Variants in AZI2 observed in about 807,000 individuals in gnomAD.
The protein encoded by AZI2 is 5-azacytidine induced 2.
A neutral mutation model predicts 45.8 loss-of-function variants in AZI2; 22 were observed. The observed-to-expected ratio is 0.48, with a 90% CI of 0.34 to 0.69. AZI2 has a LOEUF of 0.69. Among genes scored for constraint, AZI2 ranks in the 30% least tolerant of loss-of-function variants. The pLI, the probability that AZI2 is intolerant of heterozygous loss-of-function variation, is 0.01. For synonymous variants in AZI2, 137 were observed against 156.7 expected (o/e 0.87, Z 0.94); for missense variants, 417 against 441.5 (o/e 0.94, Z 0.50).
chr3:28,333,430 C>T (rs957804795), intron 5 of AZI2, among the ~76,000 whole-genome samples: 1 of 151,566 alleles, frequency 6.6e-6, no homozygotes, highest in African/African-American at 2.4e-5. Context: ...TGTCCTTGGA[C>T]CTTGTTTTTT....
Position 28,348,763 on chromosome 3 carries a change from A to C in AZI2, c.-168T>G, listed in dbSNP as rs1223556179. Reference sequence around the variant, plus strand: ...CACAGCGAAGGGAGCTGCTCCGGGCACGTCGCGGAGGGAGTCCCATTTCTT... The same window carrying C: ...CACAGCGAAGGGAGCTGCTCCGGGCCCGTCGCGGAGGGAGTCCCATTTCTT... On this transcript the variant is annotated 5_prime_UTR_variant, in exon 1 of 8. Coordinates refer to ENST00000479665, the MANE Select transcript of AZI2 (RefSeq NM_022461.5). 1 of 172,076 alleles carries C rather than the reference A, an allele frequency of 5.8e-6. No homozygotes were observed. Among genetic ancestry groups the C allele is most frequent in the Non-Finnish European group, 1.2e-5 (1 of 85,882 alleles). 10.7% of individuals were successfully genotyped at this position (172,076 alleles called of 1,614,324 possible).
chr3:28,347,374 T>A lies in AZI2; in HGVS notation c.-6+1227A>T, dbSNP rs540390069. Among the ~76,000 whole-genome samples the A allele has an allele frequency of 3.2e-4, 49 of 152,312 alleles. 1 individual carries two copies. The South Asian group carries it at 4.4e-3, about 14-fold the overall frequency. On this transcript the variant is annotated intron_variant, in intron 1 of 7. Coordinates refer to ENST00000479665, the MANE Select transcript of AZI2 (RefSeq NM_022461.5). Reference sequence around the variant, plus strand: ...TTCATAAGCATTCAGTAAATCTATGTAATACCTCTGAGGTTGTAAAGAATC... The same window carrying A: ...TTCATAAGCATTCAGTAAATCTATGAAATACCTCTGAGGTTGTAAAGAATC...
At chr3:28,341,824 C>T (rs1175428204) in intron 1 of AZI2, among the ~76,000 whole-genome samples, 1 of 152,040 alleles carries the variant, frequency 6.6e-6, no homozygotes, top group Non-Finnish European at 1.5e-5. Context: ...TTTTAACTAT[C>T]CCTTGCTTGA....
chr3:28,336,407 C>G (rs1178807590), intron 5 of AZI2, among the ~76,000 whole-genome samples: 1 of 151,892 alleles, frequency 6.6e-6, no homozygotes, highest in East Asian at 1.9e-4. Context: ...GGACTTAAAA[C>G]CTGAGTTCTC....
At chr3:28,327,693 AG>A (rs1400067911) in intron 6 of AZI2, among the ~76,000 whole-genome samples, 1 of 151,100 alleles carries the variant, frequency 6.6e-6, no homozygotes, top group Non-Finnish European at 1.5e-5. Context: ...TAATTTTTAT[AG>A]ATTTTGTTTT....
At position 28,324,525 on chromosome 3, in the gene AZI2, C is replaced by G. The variant is rs901313419; in HGVS notation, c.767-71G>C. On this transcript the variant is annotated intron_variant, in intron 7 of 7. Transcript: ENST00000479665. ...GATCATAAAATTCGATAACACTTCA[C>G]CAATTTGAATTCTAGAACTGGTGAT... The G allele has an allele frequency of 2.3e-6, 3 of 1,310,838 alleles. No homozygotes were observed. In the Admixed American group the frequency reaches 7.9e-5, roughly 35 times the overall value. 81.2% of individuals were successfully genotyped at this position (1,310,838 alleles called of 1,614,324 possible).
At chr3:28,329,579 A>G (rs1014933942) in intron 6 of AZI2, among the ~76,000 whole-genome samples, 7 of 151,292 alleles carry the variant, frequency 4.6e-5, no homozygotes, top group African/African-American at 1.7e-4. Context: ...GAACTCTTTA[A>G]TACACAAATA....
chr3:28,344,660 A>G (rs1354764175), intron 1 of AZI2, among the ~76,000 whole-genome samples: 1 of 152,080 alleles, frequency 6.6e-6, no homozygotes, highest in Non-Finnish European at 1.5e-5. Flanking sequence ...GTAACTGGCT[A>G]TTATTCTATT....
At position 28,332,441 on chromosome 3, in the gene AZI2, A is replaced by T. The variant is rs767871424; in HGVS notation, c.589-14T>A. The T allele has an allele frequency of 6.9e-6, 11 of 1,594,862 alleles. No individual in the cohort carries two copies. The highest frequency in any genetic ancestry group is 2.7e-5 in the African/African-American group (2 of 74,148). On this transcript the variant is annotated splice_polypyrimidine_tract_variant and intron_variant, in intron 5 of 7. Transcript: ENST00000479665. Reference sequence around the variant, plus strand: ...CTGATATGGATCCTGTCATTTGTTTAAAAAAAAGAAGTTTAAAAGTTGTAA... The same window carrying T: ...CTGATATGGATCCTGTCATTTGTTTTAAAAAAAGAAGTTTAAAAGTTGTAA...
At chr3:28,340,716 A>G (rs941026365) in intron 1 of AZI2, 94 bp from the exon 2 acceptor site, 42 of 978,598 alleles carry the variant, frequency 4.3e-5, no homozygotes, top group Non-Finnish European at 3.1e-5. Context: ...AAATACTAGG[A>G]CAATGTTTAA....
intron 1 of AZI2, 43 bp from the exon 2 acceptor site, chr3:28,340,665 AAT>A: frequency 4.1e-6 from 6 of 1,449,630 alleles, no homozygotes; most frequent in Non-Finnish European, 5.7e-6. Context: ...TGTCTCACTG[AAT>A]AAGTGAAAAG....
chr3:28,324,262 G>A lies in AZI2; in HGVS notation c.959C>T (p.Thr320Ile), dbSNP rs1351672402. ...LSEKAILQSW[T>I]DNERSIPNDG... The stretch of plus-strand genomic sequence containing the variant: ...ATTAGGAATGGATCTCTCATTGTCT[G>A]TCCATGATTGGAGGATTGCTTTCTC... The change falls in exon 8 of 8, where the codon ACA becomes ATA. Residue 320 changes from threonine to isoleucine, a missense_variant. By Grantham distance (89) the Thr-to-Ile change is moderately conservative. Transcript: ENST00000479665. The A allele has an allele frequency of 1.2e-6, 2 of 1,609,330 alleles. No homozygotes were observed. Among genetic ancestry groups the A allele is most frequent in the African/African-American group, 2.7e-5 (2 of 74,558 alleles).
At chr3:28,346,827 T>A (rs1188063643) in intron 1 of AZI2, among the ~76,000 whole-genome samples, 1 of 152,204 alleles carries the variant, frequency 6.6e-6, no homozygotes, top group Non-Finnish European at 1.5e-5. Context: ...TTTCAAAACA[T>A]CATCTCTTAA....
In AZI2 at chr3:28,323,807, A is replaced by G. The variant is rs1703272169; in HGVS notation, c.*235T>C. On this transcript the variant is annotated 3_prime_UTR_variant, in exon 8 of 8. Transcript: ENST00000479665. Reference sequence around the variant, plus strand: ...TTAAACACCTTAAGTTTACTTATTAATTAGTATAGTAGCATATTTCAGATT... The same window carrying G: ...TTAAACACCTTAAGTTTACTTATTAGTTAGTATAGTAGCATATTTCAGATT... The G allele has an allele frequency of 2.9e-6, 1 of 345,592 alleles. No homozygotes were observed. Among genetic ancestry groups the G allele is most frequent in the Non-Finnish European group, 5.2e-6 (1 of 192,270 alleles). The allele number at this position is 345,592 out of a possible 1,614,324, so 21.4% of individuals were successfully genotyped here. A position where few individuals can be genotyped will look rare whatever the true frequency, so the allele number is the denominator to read the frequency against.
chr3:28,332,494 T>C, intron 5 of AZI2, 67 bp from the exon 6 acceptor site: 1 of 1,323,320 alleles, frequency 7.6e-7, no homozygotes, highest in African/African-American at 1.5e-5. Context: ...GTCTCAGCTC[T>C]TTCTTACCAG....
intron 6 of AZI2, among the ~76,000 whole-genome samples, chr3:28,329,583 A>T (rs1703502517): frequency 6.6e-6 from 1 of 151,246 alleles, no homozygotes; most frequent in South Asian, 2.1e-4. Context: ...TCTTTAATAC[A>T]CAAATAACTA....
chr3:28,339,576 T>C (rs1703930061), intron 2 of AZI2, among the ~76,000 whole-genome samples: 1 of 152,182 alleles, frequency 6.6e-6, no homozygotes, highest in African/African-American at 2.4e-5. Flanking sequence ...CCTTTTCTCT[T>C]ACTTCCCACC....
In AZI2 at chr3:28,323,937, G is replaced by A. The variant is rs959146871; in HGVS notation, c.*105C>T. The A allele has an allele frequency of 8.1e-6, 11 of 1,354,916 alleles. No individual in the cohort carries two copies. The African/African-American group carries it at 1.6e-4, about 20-fold the overall frequency. 83.9% of individuals were successfully genotyped at this position (1,354,916 alleles called of 1,614,324 possible). ...TCAAATATAGATACTGAAGACCTCT[G>A]CAAAATTTTAATCAAAATCTCCTTT... On this transcript the variant is annotated 3_prime_UTR_variant, in exon 8 of 8. Transcript: ENST00000479665.
chr3:28,328,361 A>T (rs978555262), intron 6 of AZI2, among the ~76,000 whole-genome samples: 2 of 151,154 alleles, frequency 1.3e-5, no homozygotes, highest in African/African-American at 4.8e-5. Flanking sequence ...AGTTACTCAC[A>T]TTATATAGCA....
Sources: gnomAD v4.1 joint callset for allele counts (sites outside exome capture counted in the v4.1 genomes callset) on GRCh38, gnomAD v4.1.1 for gene constraint, MANE v1.5 for transcripts, NCBI Gene and HGNC (gene_info 2026-07-23, HGNC 2026-07-21) for gene names.